The following ADGRD2 variants were observed in gnomAD, a reference collection of about 807,000 sequenced individuals.
ADGRD2 encodes the protein G protein-coupled receptor PGR24.
Under a neutral mutation model 44.4 loss-of-function variants are expected in ADGRD2, and 71 were observed. The observed-to-expected ratio is 1.60, with a 90% CI of 1.32 to 1.95. The LOEUF is 1.95. Among genes scored for constraint, ADGRD2 ranks in the 30% most tolerant of loss-of-function variants. ADGRD2 has a pLI of 0.00. For synonymous variants in ADGRD2, 481 were observed against 224.8 expected, an observed-to-expected ratio of 2.14 and a Z score of -10.19; for missense variants, 1,039 against 512.4, an observed-to-expected ratio of 2.03 and a Z score of -9.92.
exon 3 of ADGRD2, chr9:124,453,226 G>A (rs1392965094): frequency 5.0e-6 from 3 of 595,432 alleles, no homozygotes; most frequent in South Asian, 1.9e-5. Context: ...GCAGCTGCGC[G>A]CCTTCGCCGA....
chr9:124,476,203 C>G (rs1383423630), intron 19 of ADGRD2, among the ~76,000 whole-genome samples, 154 bp from the exon 23 acceptor site: 5 of 152,204 alleles, frequency 3.3e-5, no homozygotes, highest in African/African-American at 1.2e-4. Flanking sequence ...TGGGCAAGTT[C>G]CCTTCCCTCT....
upstream of ADGRD2, chr9:124,452,010 C>T: frequency 2.4e-6 from 1 of 408,454 alleles, no homozygotes; most frequent in East Asian, 6.4e-5. Context: ...CCCCTCCCAC[C>T]CACCCCCAGA....
chr9:124,468,822 C>T, intron 14 of ADGRD2, 150 bp downstream of exon 17: 1 of 607,648 alleles, frequency 1.6e-6, no homozygotes, highest in South Asian at 2.0e-5. Flanking sequence ...CAGCACCACC[C>T]AGCCAGTCCC....
chr9:124,456,448 T>C (rs1342751853), intron 6 of ADGRD2, among the ~76,000 whole-genome samples, 174 bp from the exon 10 acceptor site: 1 of 152,134 alleles, frequency 6.6e-6, no homozygotes, highest in Non-Finnish European at 1.5e-5. Context: ...CAGGCAGGGC[T>C]TCAAATGTCA....
exon 8 of ADGRD2, chr9:124,457,562 A>C (rs1831641801): frequency 1.5e-6 from 1 of 682,374 alleles, no homozygotes. Context: ...GGGCCCGGCC[A>C]TATCCACATT....
chr9:124,469,275 G>C, exon 15 of ADGRD2: 1 of 717,692 alleles, frequency 1.4e-6, no homozygotes, highest in Non-Finnish European at 2.6e-6. Context: ...CCATGACTAC[G>C]TGGCCCCCGG....
intron 10 of ADGRD2, among the ~76,000 whole-genome samples, chr9:124,464,980 C>T: frequency 6.6e-6 from 1 of 152,146 alleles, no homozygotes; most frequent in East Asian, 1.9e-4. Context: ...GGCAGTGTCC[C>T]AAGGAGAGGA....
At chr9:124,476,835 T>A (rs533595568) in intron 21 of ADGRD2, 126 bp downstream of exon 24, 1 of 680,258 alleles carries the variant, frequency 1.5e-6, no homozygotes, top group South Asian at 1.6e-5. Context: ...GCAGAGGCCC[T>A]CCCCTCACTC....
At chr9:124,453,614 C>G in exon 3 of ADGRD2, 1 of 701,088 alleles carries the variant, frequency 1.4e-6, no homozygotes, top group Non-Finnish European at 2.6e-6. Flanking sequence ...CGCTGGGACC[C>G]GGGCGCCCTG....
In ADGRD2 at chr9:124,472,702, C is replaced by T. The variant is rs778467276; in HGVS notation, c.2758+2088C>T. Among the ~76,000 whole-genome samples, 15 of 151,984 alleles carry T rather than the reference C, an allele frequency of 9.9e-5. No individual in the cohort carries two copies. The South Asian group carries it at 1.0e-3, about 11-fold the overall frequency. ...TCTTATTTTTAGTGGAGACGGGGGT[C>T]TCACCATGTTGCCCAGGTTGGTCTT... is the stretch of plus-strand genomic sequence containing the variant. On this transcript the variant is annotated intron_variant, in intron 17 of 21. Coordinates refer to ENST00000334810, the Ensembl canonical transcript of ADGRD2.
At chr9:124,452,406 C>G in intron 1 of ADGRD2, 104 bp from the exon 5 acceptor site, 4 of 701,234 alleles carry the variant, frequency 5.7e-6, no homozygotes, top group Non-Finnish European at 1.1e-5. Flanking sequence ...TCAGCCCCAT[C>G]CAGCCCGAAT....
rs1215761499 is a variant in ADGRD2, at chr9:124,466,420, G to A, written c.2026+7G>A. ...GCAAATCTATGAAGTACAGGTGAGT[G>A]CACGGTGGGAGGGGGGTGTCAGGAG... On this transcript the variant is annotated splice_region_variant and intron_variant, in intron 11 of 21. Transcript: ENST00000334810. The A allele has an allele frequency of 7.2e-6, 5 of 694,292 alleles. No individual in the cohort carries two copies. The East Asian group carries it at 1.1e-4, about 15-fold the overall frequency. The allele number at this position is 694,292 out of a possible 1,614,324, so 43.0% of individuals were successfully genotyped here.
At chr9:124,472,303 C>T (rs116146814) in intron 17 of ADGRD2, among the ~76,000 whole-genome samples, 1 of 152,134 alleles carries the variant, frequency 6.6e-6, no homozygotes, top group African/African-American at 2.4e-5. Context: ...CTGTCACTGT[C>T]CCCCTCTCCC....
chr9:124,462,136 T>G (rs551358373), intron 10 of ADGRD2, among the ~76,000 whole-genome samples: 1 of 152,150 alleles, frequency 6.6e-6, no homozygotes, highest in South Asian at 2.1e-4. Context: ...CGGCTCACTG[T>G]AGGTTCGACC....
intron 10 of ADGRD2, among the ~76,000 whole-genome samples, chr9:124,462,744 T>C (rs1831744542): frequency 6.6e-6 from 1 of 152,254 alleles, no homozygotes; most frequent in Non-Finnish European, 1.5e-5. Context: ...AATGATATTA[T>C]ATTCTGCAAC....
chr9:124,458,893 G>A (rs1268485325), intron 10 of ADGRD2, among the ~76,000 whole-genome samples, 172 bp downstream of exon 13: 1 of 152,224 alleles, frequency 6.6e-6, no homozygotes. Flanking sequence ...GCGATTGACT[G>A]CAGGGTCACC....
intron 11 of ADGRD2, among the ~76,000 whole-genome samples, 161 bp from the exon 15 acceptor site, chr9:124,467,560 T>G (rs547453267): frequency 2.2e-4 from 34 of 152,076 alleles, no homozygotes; most frequent in Non-Finnish European, 4.7e-4. Context: ...TCACACCTGC[T>G]TATTAAATGC....
chr9:124,468,612 G>A (rs10760365), exon 14 of ADGRD2: 333,716 of 718,100 alleles, frequency 0.46, 79,608 homozygotes, highest in East Asian at 0.71. Context: ...GTGGAGGAAG[G>A]TGGTAGCTGT....
chr9:124,452,103 T>C (rs1564136202), exon 1 of ADGRD2: 1 of 701,220 alleles, frequency 1.4e-6, no homozygotes, highest in Non-Finnish European at 2.7e-6. Flanking sequence ...CAGGAGTCTC[T>C]CTGGGACCCC....
Sources: allele counts gnomAD v4.1 joint callset (sites outside exome capture counted in the v4.1 genomes callset), GRCh38; gene constraint gnomAD v4.1.1; transcripts MANE v1.5; gene names NCBI Gene and HGNC (gene_info 2026-07-23, HGNC 2026-07-21).